Variants in NHSL1 observed in about 807,000 individuals in gnomAD.
NHSL1 encodes NHS like 1, also known as NHS-like protein 1.
In NHSL1, 48 loss-of-function variants were observed where a neutral mutation model predicts 95.0. The ratio of observed to expected loss-of-function variants is 0.51; its 90% CI spans 0.40 to 0.64. NHSL1 has a LOEUF of 0.64. Ranked by LOEUF, NHSL1 falls within the 30% of genes least tolerant of loss-of-function variation. The probability of loss-of-function intolerance (pLI) is 0.00; values close to 1 mark genes in which losing one functional copy is unlikely to be tolerated. For synonymous variants in NHSL1, 783 were observed against 833.9 expected (o/e 0.94, Z 1.05); for missense variants, 1,971 against 2,077.7 (o/e 0.95, Z 1.00).
intron 1 of NHSL1, among the ~76,000 whole-genome samples, chr6:138,554,614 A>ATG (rs1456161643): frequency 1.1e-4 from 16 of 149,482 alleles, no homozygotes; most frequent in African/African-American, 3.4e-4. Flanking sequence ...GCCAAGGTAA[A>ATG]TGTCCAGGCT....
At chr6:138,635,824 A>G (rs1784879973) in intron 1 of NHSL1, among the ~76,000 whole-genome samples, 1 of 152,078 alleles carries the variant, frequency 6.6e-6, no homozygotes, top group Non-Finnish European at 1.5e-5. Context: ...CCTCAACAAT[A>G]CATTAGAGGC....
intron 1 of NHSL1, among the ~76,000 whole-genome samples, chr6:138,505,889 T>A (rs1387327652): frequency 6.6e-6 from 1 of 152,202 alleles, no homozygotes; most frequent in Non-Finnish European, 1.5e-5. Context: ...TAATTCATTT[T>A]AGGGTGTTTT....
At chr6:138,539,994 A>G (rs1364586818) in intron 1 of NHSL1, among the ~76,000 whole-genome samples, 1 of 152,256 alleles carries the variant, frequency 6.6e-6, no homozygotes, top group African/African-American at 2.4e-5. Context: ...GACAAAAGAA[A>G]TAAAGGGCTA....
At chr6:138,684,418 C>T (rs1407354570) in intron 1 of NHSL1, among the ~76,000 whole-genome samples, 1 of 151,882 alleles carries the variant, frequency 6.6e-6, no homozygotes, top group Non-Finnish European at 1.5e-5. Context: ...GAGGCCAAGG[C>T]GGGCGGATCA....
chr6:138,523,046 C>T, intron 1 of NHSL1, among the ~76,000 whole-genome samples: 1 of 149,798 alleles, frequency 6.7e-6, no homozygotes, highest in African/African-American at 2.5e-5. Flanking sequence ...TTCATGATCT[C>T]TCTGTATAAC....
chr6:138,512,827 C>G (rs1781294062), intron 1 of NHSL1, among the ~76,000 whole-genome samples: 1 of 152,186 alleles, frequency 6.6e-6, no homozygotes, highest in Admixed American at 6.5e-5. Context: ...TCAGAAGATT[C>G]CCACAGTGAT....
At position 138,542,282 on chromosome 6, in the gene NHSL1, G is replaced by A. The variant is rs74719681; in HGVS notation, c.16+3341C>T. Among the ~76,000 whole-genome samples, 36 of 152,330 alleles carry A rather than the reference G, an allele frequency of 2.4e-4. No homozygotes were observed. The East Asian group carries it at 5.8e-3, about 24-fold the overall frequency. ...AAGAGTCTTTCCTGGAGCCTTCAGA[G>A]GGAGCACGGCCCTGCCAACTCCTTG... On this transcript the variant is annotated intron_variant, in intron 1 of 4. Coordinates refer to the NHSL1 transcript ENST00000342260.
intron 3 of NHSL1, among the ~76,000 whole-genome samples, chr6:138,458,852 A>G (rs937227073): frequency 4.0e-5 from 6 of 151,864 alleles, no homozygotes; most frequent in African/African-American, 1.5e-4. Context: ...CAAAAAAAAA[A>G]ACCCAGAAAA....
At chr6:138,453,140 A>T (rs1174345080) in intron 3 of NHSL1, among the ~76,000 whole-genome samples, 1 of 151,322 alleles carries the variant, frequency 6.6e-6, no homozygotes, top group Non-Finnish European at 1.5e-5. Flanking sequence ...ATGCCTGGCT[A>T]ATTTTTGTAT....
In NHSL1 at chr6:138,499,447, T is replaced by G. The variant is rs2128289541; in HGVS notation, c.-157A>C. 1 of 1,405,798 alleles carries G rather than the reference T, an allele frequency of 7.1e-7. No homozygotes were observed. The highest frequency in any genetic ancestry group is 2.7e-5 in the East Asian group (1 of 37,322). 87.1% of individuals were successfully genotyped at this position (1,405,798 alleles called of 1,614,324 possible). ...TCTGCCCAGGCTGATGTAACTGAGG[T>G]TGAGTTTATTGTCAGGCAGTTACAA... On this transcript the variant is annotated 5_prime_UTR_variant, in exon 1 of 8. Transcript: ENST00000343505.
At chr6:138,476,789 T>C (rs35837325) in intron 2 of NHSL1, among the ~76,000 whole-genome samples, 8,599 of 151,938 alleles carry the variant, frequency 0.057, 666 homozygotes, top group East Asian at 0.3. Context: ...ATCATGCTAT[T>C]GTACTCCAGT....
intron 1 of NHSL1, among the ~76,000 whole-genome samples, chr6:138,632,538 G>A (rs917073322): frequency 3.7e-4 from 56 of 152,064 alleles, no homozygotes; most frequent in African/African-American, 1.2e-3. Context: ...AACCTTTTTT[G>A]GGAGAAAGGG....
intron 1 of NHSL1, among the ~76,000 whole-genome samples, chr6:138,523,642 A>AAC (rs1554245075): frequency 8.6e-5 from 13 of 150,876 alleles, no homozygotes; most frequent in African/African-American, 2.4e-4. Context: ...AAAAAAAAAA[A>AAC]AAAAAAAAAA....
intron 2 of NHSL1, among the ~76,000 whole-genome samples, chr6:138,488,038 G>A (rs1401600711): frequency 6.6e-6 from 1 of 152,202 alleles, no homozygotes; most frequent in Non-Finnish European, 1.5e-5. Flanking sequence ...AGCACTTTGG[G>A]AGGCTGAGGT....
intron 1 of NHSL1, among the ~76,000 whole-genome samples, chr6:138,683,868 G>A (rs774744196): frequency 1.6e-4 from 25 of 152,346 alleles, no homozygotes; most frequent in Middle Eastern, 3.4e-3. Context: ...GGTGTTTGGC[G>A]TATGGCCAAT....
intron 2 of NHSL1, among the ~76,000 whole-genome samples, chr6:138,485,479 G>C (rs1484445362): frequency 1.3e-5 from 2 of 151,488 alleles, no homozygotes; most frequent in Non-Finnish European, 1.5e-5. Flanking sequence ...GTATGGGGGT[G>C]GGGGCAACAC....
intron 4 of NHSL1, among the ~76,000 whole-genome samples, chr6:138,445,337 T>C (rs529790892): frequency 3.9e-5 from 6 of 152,324 alleles, no homozygotes; most frequent in African/African-American, 1.2e-4. Context: ...CATTTTCTTA[T>C]AGAAAATAAG....
intron 1 of NHSL1, among the ~76,000 whole-genome samples, chr6:138,552,813 C>T (rs1216523432): frequency 6.6e-6 from 1 of 152,152 alleles, no homozygotes; most frequent in East Asian, 1.9e-4. Flanking sequence ...CCACTCATTT[C>T]CTCAGAAGCA....
chr6:138,538,120 T>G (rs2128321466), intron 1 of NHSL1, among the ~76,000 whole-genome samples: 1 of 152,306 alleles, frequency 6.6e-6, no homozygotes, highest in South Asian at 2.1e-4. Context: ...AATATTGATC[T>G]CTTTTGCATA....
Sources: allele counts gnomAD v4.1 joint callset (sites outside exome capture counted in the v4.1 genomes callset), GRCh38; gene constraint gnomAD v4.1.1; transcripts MANE v1.5; gene names NCBI Gene and HGNC (gene_info 2026-07-23, HGNC 2026-07-21).